Variants in PARP3 observed in about 807,000 individuals in gnomAD.
PARP3 encodes the protein poly(ADP-ribose) polymerase family member 3.
A neutral mutation model predicts 58.2 loss-of-function variants in PARP3; 46 were observed. That is an observed-to-expected ratio of 0.79 (90% CI 0.62 to 1.01). The LOEUF is 1.01. PARP3 is among the 50% of genes least tolerant of loss of function. The probability of loss-of-function intolerance (pLI) is 0.00; values close to 1 mark genes in which losing one functional copy is unlikely to be tolerated. For missense variants in PARP3, 663 were observed against 683.9 expected, an observed-to-expected ratio of 0.97 and a Z score of 0.34; for synonymous variants, 252 against 266.4, an observed-to-expected ratio of 0.95 and a Z score of 0.53.
At chr3:51,943,090 G>A in intron 1 of PARP3, 4 of 1,296,474 alleles carry the variant, frequency 3.1e-6, no homozygotes, top group Non-Finnish European at 2.0e-6. Context: ...CTGTTGACCA[G>A]AGTGGGCAGA....
At chr3:51,948,137 G>A (rs1005267048) in intron 10 of PARP3, among the ~76,000 whole-genome samples, 174 bp from the exon 11 acceptor site, 2 of 152,232 alleles carry the variant, frequency 1.3e-5, no homozygotes, top group Non-Finnish European at 2.9e-5. Flanking sequence ...GAGAGAAGTC[G>A]GGGAGGACAC....
At chr3:51,943,617 C>G in intron 2 of PARP3, 79 bp downstream of exon 2, 1 of 1,386,646 alleles carries the variant, frequency 7.2e-7, no homozygotes, top group East Asian at 2.5e-5. Flanking sequence ...CCTTAGGACT[C>G]TGTTCTGGTT....
Position 51,944,250 on chromosome 3 carries a change from C to A in PARP3, c.312+33C>A, listed in dbSNP as rs779287106. The A allele has an allele frequency of 5.6e-6, 9 of 1,613,196 alleles. No homozygotes were observed. In the East Asian group the frequency reaches 2.0e-4, roughly 36 times the overall value. ...CCCTGCCTGCTCTGCACATACTCCC[C>A]AGGGTCCTCAAAAGGCCACAGCTAC... On this transcript the variant is annotated intron_variant, in intron 3 of 10. Coordinates refer to ENST00000398755, the MANE Select transcript of PARP3 (RefSeq NM_001003931.4). This position sits in a 1 kb window ranked among gnomAD's most constrained non-coding sequence, Gnocchi z 4.2.
rs2106696048 is a variant in PARP3 at position 51,946,036 on chromosome 3, G to A, written c.1098+97G>A. ...CTTAGCAAATCGTTTAGCAGCTCTG[G>A]TCAGTTTCTGCCGGCCATGAGTGCG... On this transcript the variant is annotated intron_variant, in intron 8 of 10. Coordinates refer to ENST00000398755, the MANE Select transcript of PARP3 (RefSeq NM_001003931.4). The surrounding 1 kb of genome is among the most constrained non-coding windows in gnomAD (Gnocchi z 4.6). 4 of 1,369,090 alleles carry A rather than the reference G, an allele frequency of 2.9e-6. No individual in the cohort carries two copies. Among genetic ancestry groups the A allele is most frequent in the East Asian group, 4.6e-5 (2 of 43,578 alleles). 84.8% of individuals were successfully genotyped at this position (1,369,090 alleles called of 1,614,324 possible).
Position 51,948,486 on chromosome 3 carries a change from C to T in PARP3, c.*6C>T, listed in dbSNP as rs1045050269. The T allele has an allele frequency of 3.7e-6, 6 of 1,613,304 alleles. No homozygotes were observed. Among genetic ancestry groups the T allele is most frequent in the South Asian group, 1.1e-5 (1 of 90,990 alleles). On this transcript the variant is annotated 3_prime_UTR_variant, in exon 11 of 11. Transcript: ENST00000398755. ...TGCTGGAGGTCCACCTCTGAGTGCCCGCCCTGTCCCCCGGGGTCCTGCAAG... is the reference window on the plus strand; with the variant it reads ...TGCTGGAGGTCCACCTCTGAGTGCCTGCCCTGTCCCCCGGGGTCCTGCAAG...
rs913115032 is a variant in PARP3, at chr3:51,948,209, C to G, written c.1433-102C>G. Reference sequence around the variant, plus strand: ...GGTGGGCAAGGTGGAAATGAGCAGGCGTGCCCTGTGACAGACATGGAGAGC... The same window carrying G: ...GGTGGGCAAGGTGGAAATGAGCAGGGGTGCCCTGTGACAGACATGGAGAGC... On this transcript the variant is annotated intron_variant, in intron 10 of 10. Coordinates refer to ENST00000398755, the MANE Select transcript of PARP3 (RefSeq NM_001003931.4). The G allele has an allele frequency of 5.0e-6, 6 of 1,202,502 alleles. No homozygotes were observed. In the African/African-American group the frequency reaches 9.1e-5, roughly 18 times the overall value. 74.5% of individuals were successfully genotyped at this position (1,202,502 alleles called of 1,614,324 possible).
chr3:51,945,691 C>G (rs748044501), intron 7 of PARP3, 47 bp downstream of exon 7: 1 of 1,595,068 alleles, frequency 6.3e-7, no homozygotes, highest in African/African-American at 1.3e-5. Context: ...GGGCACTGTC[C>G]CTCTGCCCAC....
At chr3:51,948,239 G>C in intron 10 of PARP3, 72 bp from the exon 11 acceptor site, 4 of 1,430,954 alleles carry the variant, frequency 2.8e-6, no homozygotes, top group Non-Finnish European at 3.8e-6. Flanking sequence ...GAGAGCATAG[G>C]GGGCAGGACT....
chr3:51,946,084 A>G lies in PARP3; in HGVS notation c.1099-82A>G. The G allele has an allele frequency of 7.3e-7, 1 of 1,377,770 alleles. No homozygotes were observed. The highest frequency in any genetic ancestry group is 1.3e-5 in the South Asian group (1 of 78,496). 85.3% of individuals were successfully genotyped at this position (1,377,770 alleles called of 1,614,324 possible). ...GCGCGTGAGTAAGCAGAGGGACACT[A>G]GGCCTTGGTCACAAGCAGCAGGGCA... On this transcript the variant is annotated intron_variant, in intron 8 of 10. Coordinates refer to ENST00000398755, the MANE Select transcript of PARP3 (RefSeq NM_001003931.4). This position sits in a 1 kb window ranked among gnomAD's most constrained non-coding sequence, Gnocchi z 4.6.
chr3:51,946,093 TC>T lies in PARP3; in HGVS notation c.1099-72del. On this transcript the variant is annotated intron_variant, in intron 8 of 10. Transcript: ENST00000398755. This position sits in a 1 kb window ranked among gnomAD's most constrained non-coding sequence, Gnocchi z 4.6. Reference sequence around the variant, plus strand: ...TAAGCAGAGGGACACTAGGCCTTGGTCACAAGCAGCAGGGCAAGGCGACTGA... The same window carrying T: ...TAAGCAGAGGGACACTAGGCCTTGGTACAAGCAGCAGGGCAAGGCGACTGA... 6.9e-7 allele frequency: 1 copy of T among 1,441,670 alleles called. No individual in the cohort carries two copies. The highest frequency in any genetic ancestry group is 9.6e-7 in the Non-Finnish European group (1 of 1,041,352). 89.3% of individuals were successfully genotyped at this position (1,441,670 alleles called of 1,614,324 possible). A position where few individuals can be genotyped will look rare whatever the true frequency, so the allele number is the denominator to read the frequency against.
At position 51,947,823 on chromosome 3, in the gene PARP3, A is replaced by C; in HGVS notation, c.1360A>C (p.Thr454Pro). 2 of 1,614,026 alleles carry C rather than the reference A, an allele frequency of 1.2e-6. No homozygotes were observed. Among genetic ancestry groups the C allele is most frequent in the Non-Finnish European group, 1.7e-6 (2 of 1,179,986 alleles). Residue 454 changes from threonine to proline, a missense_variant, in exon 10 of 11, where the codon ACG becomes CCG. By Grantham distance (38) the Thr-to-Pro change is conservative. Transcript: ENST00000398755. Reference sequence around the variant, plus strand: ...CCTGGGCAGAGAGCACCATATCAACACGGACAACCCCAGCTTGAAGAGCCC... The same window carrying C: ...CCTGGGCAGAGAGCACCATATCAACCCGGACAACCCCAGCTTGAAGAGCCC... ...VALGREHHINTDNPSLKSPPP... is the reference protein window; with the variant it reads ...VALGREHHINPDNPSLKSPPP...
In PARP3 at chr3:51,943,465, AG is replaced by A; in HGVS notation, c.112del (p.Ala38ProfsTer8). 1.9e-6 allele frequency: 3 copies of A among 1,610,318 alleles called. No homozygotes were observed. The highest frequency in any genetic ancestry group is 2.5e-6 in the Non-Finnish European group (3 of 1,178,844). ...DPFRSTAEALKAIPAEKRIIR... is the reference protein window; with the variant it reads ...DPFRSTAEALXAIPAEKRIIR... Reference sequence around the variant, plus strand: ...TTCCGCTCCACCGCTGAGGCCCTCAAGGCCATACCCGCAGAGAAGCGCATAA... The same window carrying A: ...TTCCGCTCCACCGCTGAGGCCCTCAAGCCATACCCGCAGAGAAGCGCATAA... On this transcript the variant is annotated frameshift_variant, in exon 2 of 11. Transcript: ENST00000398755. LOFTEE classifies it high-confidence loss of function.
Position 51,942,662 on chromosome 3 carries a change from A to G in PARP3, c.-49A>G. 1 of 1,386,190 alleles carries G rather than the reference A, an allele frequency of 7.2e-7. No individual in the cohort carries two copies. Among genetic ancestry groups the G allele is most frequent in the Non-Finnish European group, 1.0e-6 (1 of 991,916 alleles). 85.9% of individuals were successfully genotyped at this position (1,386,190 alleles called of 1,614,324 possible). On this transcript the variant is annotated 5_prime_UTR_variant, in exon 1 of 11. Coordinates refer to ENST00000398755, the MANE Select transcript of PARP3 (RefSeq NM_001003931.4). Reference sequence around the variant, plus strand: ...ACTGCCCTGGGAGGCGCACACAACCAGGCCGGGTGGCAGCCAGGACCTCTC... The same window carrying G: ...ACTGCCCTGGGAGGCGCACACAACCGGGCCGGGTGGCAGCCAGGACCTCTC...
Position 51,944,180 on chromosome 3 carries a change from A to AC in PARP3, c.277dup (p.Arg93ProfsTer34), listed in dbSNP as rs1380375970. The AC allele has an allele frequency of 6.2e-7, 1 of 1,613,960 alleles. No homozygotes were observed. Among genetic ancestry groups the AC allele is most frequent in the African/African-American group, 1.3e-5 (1 of 74,976 alleles). ...ATCATCCAGCTGCTCCAAGACAGCA[A>AC]CCGCTTCTTCACCTGCTGGAACCGC... is the stretch of plus-strand genomic sequence containing the variant. On this transcript the variant is annotated frameshift_variant, in exon 3 of 11. Coordinates refer to ENST00000398755, the MANE Select transcript of PARP3 (RefSeq NM_001003931.4). LOFTEE classifies it high-confidence loss of function. The surrounding 1 kb of genome is among the most constrained non-coding windows in gnomAD (Gnocchi z 4.2).
Position 51,948,300 on chromosome 3 carries a change from G to A in PARP3, c.1433-11G>A, listed in dbSNP as rs190482675. ...CCCCTGGGCCACCCTGGCCCTTGCTGTGCCCTGCAGATCCGACCCAGGACA... is the reference window on the plus strand; with the variant it reads ...CCCCTGGGCCACCCTGGCCCTTGCTATGCCCTGCAGATCCGACCCAGGACA... On this transcript the variant is annotated splice_polypyrimidine_tract_variant and intron_variant, in intron 10 of 10. Transcript: ENST00000398755. The A allele has an allele frequency of 2.0e-5, 33 of 1,611,506 alleles. 1 individual carries two copies. Among genetic ancestry groups the A allele is most frequent in the Non-Finnish European group, 8.5e-7 (1 of 1,178,606 alleles).
Position 51,946,617 on chromosome 3 carries a change from G to GGTGTGGTGGCATAGGT in PARP3, c.1276+287_1276+288insGGTGTGTGGTGGCATA, listed in dbSNP as rs1361301830. 6.6e-6 allele frequency among the ~76,000 whole-genome samples: 1 copy of GGTGTGGTGGCATAGGT among 152,182 alleles called. No individual in the cohort carries two copies. The highest frequency in any genetic ancestry group is 1.5e-5 in the Non-Finnish European group (1 of 68,020). ...GGGTAAAAGGGGAGCCTTTGAGCCA[G>GGTGTGGTGGCATAGGT]GTGTGGTGGCATACACCTGTAGTTC... is the stretch of plus-strand genomic sequence containing the variant. On this transcript the variant is annotated intron_variant, in intron 9 of 10. Coordinates refer to ENST00000398755, the MANE Select transcript of PARP3 (RefSeq NM_001003931.4). The surrounding 1 kb of genome is among the most constrained non-coding windows in gnomAD (Gnocchi z 4.6).
At position 51,947,499 on chromosome 3, in the gene PARP3, A is replaced by G. The variant is rs543553346; in HGVS notation, c.1277-241A>G. ...AAAAGCCCCTGCCACGGGTTTGGTC[A>G]CTGGGAGGCCATTGCTGACCTTGGT... On this transcript the variant is annotated intron_variant, in intron 9 of 10. Coordinates refer to ENST00000398755, the MANE Select transcript of PARP3 (RefSeq NM_001003931.4). 3.9e-5 allele frequency: 21 copies of G among 537,382 alleles called. No individual in the cohort carries two copies. The South Asian group carries it at 4.8e-4, about 12-fold the overall frequency. 33.3% of individuals were successfully genotyped at this position (537,382 alleles called of 1,614,324 possible).
Position 51,944,733 on chromosome 3 carries a change from C to T in PARP3, c.502-45C>T, listed in dbSNP as rs373356927. The T allele has an allele frequency of 1.8e-5, 29 of 1,579,296 alleles. No homozygotes were observed. Among genetic ancestry groups the T allele is most frequent in the South Asian group, 1.5e-4 (13 of 87,240 alleles). On this transcript the variant is annotated intron_variant, in intron 4 of 10. Transcript: ENST00000398755. This position sits in a 1 kb window ranked among gnomAD's most constrained non-coding sequence, Gnocchi z 4.2. Reference sequence around the variant, plus strand: ...GCTGGCTGGTCTCTGTCTGGTGTCACGCCCTGCCCCGCTGCTCCTGCCCAC... The same window carrying T: ...GCTGGCTGGTCTCTGTCTGGTGTCATGCCCTGCCCCGCTGCTCCTGCCCAC...
chr3:51,942,393 C>T lies in PARP3; in HGVS notation c.-318C>T, dbSNP rs1369775038. The stretch of plus-strand genomic sequence containing the variant: ...GCGACCGGCAGATGCGTGCTGCAGG[C>T]CCCGGCCACATGAGCAGCGCTACGG... On this transcript the variant is annotated 5_prime_UTR_variant, in exon 1 of 11. Coordinates refer to ENST00000398755, the MANE Select transcript of PARP3 (RefSeq NM_001003931.4). 3.6e-6 allele frequency: 2 copies of T among 549,542 alleles called. No individual in the cohort carries two copies. The highest frequency in any genetic ancestry group is 3.8e-5 in the African/African-American group (2 of 52,886). 34.0% of individuals were successfully genotyped at this position (549,542 alleles called of 1,614,324 possible).
Sources: gnomAD v4.1 joint callset for allele counts (sites outside exome capture counted in the v4.1 genomes callset) on GRCh38, gnomAD v4.1.1 for gene constraint, Gnocchi (gnomAD v3.1) non-coding constraint, MANE v1.5 for transcripts, NCBI Gene and HGNC (gene_info 2026-07-23, HGNC 2026-07-21) for gene names.